The following VIPR2 variants were observed in gnomAD, a reference collection of about 807,000 sequenced individuals.
VIPR2 encodes vasoactive intestinal peptide receptor 2, also known as vasoactive intestinal polypeptide receptor 2.
VIPR2 carries 48 observed loss-of-function variants against 58.0 expected under a neutral mutation model. The observed-to-expected ratio is 0.83, with a 90% CI of 0.66 to 1.05. VIPR2 has a LOEUF of 1.05. Among genes scored for constraint, VIPR2 ranks in the 50% least tolerant of loss-of-function variants. The pLI, the probability that VIPR2 is intolerant of heterozygous loss-of-function variation, is 0.00. For missense variants in VIPR2, 534 were observed against 558.0 expected, an observed-to-expected ratio of 0.96 and a Z score of 0.43; for synonymous variants, 243 against 235.2, an observed-to-expected ratio of 1.03 and a Z score of -0.30.
chr7:159,131,786 C>T (rs567547690), intron 2 of VIPR2, among the ~76,000 whole-genome samples: 1 of 152,296 alleles, frequency 6.6e-6, no homozygotes, highest in African/African-American at 2.4e-5. Flanking sequence ...ATGGAGACAA[C>T]ACCTGAAAAA....
At chr7:159,137,214 A>G (rs1388738621) in intron 2 of VIPR2, among the ~76,000 whole-genome samples, 2 of 152,204 alleles carry the variant, frequency 1.3e-5, no homozygotes, top group Non-Finnish European at 2.9e-5. Context: ...CTTCCCAGAC[A>G]GGAGAAGCCA....
chr7:159,069,741 A>T (rs1856284579), intron 4 of VIPR2, among the ~76,000 whole-genome samples: 1 of 152,058 alleles, frequency 6.6e-6, no homozygotes, highest in African/African-American at 2.4e-5. Flanking sequence ...TTTCCCCCCA[A>T]ATAAGGGAAA....
chr7:159,030,579 G>C lies in VIPR2; in HGVS notation c.*37C>G. 6.7e-7 allele frequency: 1 copy of C among 1,497,948 alleles called. No homozygotes were observed. Among genetic ancestry groups the C allele is most frequent in the Non-Finnish European group, 8.9e-7 (1 of 1,120,278 alleles). 92.8% of individuals were successfully genotyped at this position (1,497,948 alleles called of 1,614,324 possible). ...CTCAGCCCCGCAGAAGCCCCGAACC[G>C]TGGGCCTCCCGCCGCGTCCGACAGG... is the stretch of plus-strand genomic sequence containing the variant. On this transcript the variant is annotated 3_prime_UTR_variant, in exon 13 of 13. Transcript: ENST00000262178.
At chr7:159,065,329 G>A (rs1019596420) in intron 4 of VIPR2, among the ~76,000 whole-genome samples, 8 of 152,092 alleles carry the variant, frequency 5.3e-5, no homozygotes, top group African/African-American at 1.9e-4. Flanking sequence ...CGCAGGAGAC[G>A]GGGGCAGGAG....
chr7:159,036,395 G>A (rs919770129), intron 7 of VIPR2, among the ~76,000 whole-genome samples: 1 of 152,102 alleles, frequency 6.6e-6, no homozygotes, highest in Non-Finnish European at 1.5e-5. Flanking sequence ...TTCCAACCCT[G>A]GGCAAGGCAA....
At chr7:159,101,695 C>T (rs58052705) in intron 4 of VIPR2, among the ~76,000 whole-genome samples, 14 of 148,364 alleles carry the variant, frequency 9.4e-5, no homozygotes, top group East Asian at 4.0e-4. Flanking sequence ...TCACGAGATC[C>T]GACGAGGCGG....
intron 2 of VIPR2, among the ~76,000 whole-genome samples, chr7:159,138,179 C>T (rs1797307884): frequency 6.6e-6 from 1 of 152,244 alleles, no homozygotes; most frequent in Non-Finnish European, 1.5e-5. Flanking sequence ...TGCAGCCACA[C>T]AGGGCCTTGG....
At chr7:159,133,771 A>C (rs1430228103) in intron 2 of VIPR2, among the ~76,000 whole-genome samples, 1 of 152,234 alleles carries the variant, frequency 6.6e-6, no homozygotes, top group Non-Finnish European at 1.5e-5. Context: ...AAAGAAAATT[A>C]GGTGCTTGTA....
At chr7:159,116,522 T>C (rs2129496655) in intron 2 of VIPR2, among the ~76,000 whole-genome samples, 1 of 152,288 alleles carries the variant, frequency 6.6e-6, no homozygotes, top group South Asian at 2.1e-4. Flanking sequence ...GACTTTTCAA[T>C]GTAGACTGGC....
intron 2 of VIPR2, among the ~76,000 whole-genome samples, chr7:159,115,164 C>T (rs1796190516): frequency 2.0e-5 from 3 of 152,252 alleles, no homozygotes; most frequent in Admixed American, 2.0e-4. Context: ...GAATGCTCCG[C>T]AGTGGAACTT....
chr7:159,060,258 C>T (rs532433990), intron 4 of VIPR2, among the ~76,000 whole-genome samples: 2 of 151,020 alleles, frequency 1.3e-5, no homozygotes, highest in South Asian at 2.1e-4. Flanking sequence ...CTCACCTCGC[C>T]TAACCATCAC....
chr7:159,124,557 T>A (rs6459927), intron 2 of VIPR2, among the ~76,000 whole-genome samples: 47,369 of 152,066 alleles, frequency 0.31, 7,909 homozygotes, highest in African/African-American at 0.45. Flanking sequence ...CCCGTAGTAT[T>A]GTTTCAGGTA....
At chr7:159,094,419 C>T (rs1857699351) in intron 4 of VIPR2, among the ~76,000 whole-genome samples, 1 of 152,212 alleles carries the variant, frequency 6.6e-6, no homozygotes, top group East Asian at 1.9e-4. Context: ...GCCCTTGGAG[C>T]CCCTGACCCG....
In VIPR2 at chr7:159,129,908, G is replaced by A. The variant is rs554974702; in HGVS notation, c.151+12538C>T. On this transcript the variant is annotated intron_variant, in intron 2 of 12. Coordinates refer to ENST00000262178, the MANE Select transcript of VIPR2 (RefSeq NM_003382.5). ...CAAACTGGCCTCTGGGGGGGACAGG[G>A]CTGGGGGGACAGGGCCAGGTGACCA... is the stretch of plus-strand genomic sequence containing the variant. Among the ~76,000 whole-genome samples, 123 of 81,510 alleles carry A rather than the reference G, an allele frequency of 1.5e-3. 12 individuals are homozygous for A. Among genetic ancestry groups the A allele is most frequent in the African/African-American group, 1.0e-2 (110 of 11,038 alleles). The allele number at this position is 81,510 out of a possible 152,430, so 53.5% of individuals were successfully genotyped here.
At chr7:159,079,491 A>G (rs1856800199) in intron 4 of VIPR2, among the ~76,000 whole-genome samples, 1 of 152,226 alleles carries the variant, frequency 6.6e-6, no homozygotes, top group Non-Finnish European at 1.5e-5. Context: ...GGAAATTTAT[A>G]GCACTAAATG....
chr7:159,032,498 T>A (rs1394352058), intron 10 of VIPR2, among the ~76,000 whole-genome samples: 1 of 152,158 alleles, frequency 6.6e-6, no homozygotes, highest in East Asian at 1.9e-4. Flanking sequence ...CCGATCCTGC[T>A]CCCGGACCTG....
chr7:159,108,444 G>C (rs543196079), intron 3 of VIPR2, among the ~76,000 whole-genome samples: 29 of 152,314 alleles, frequency 1.9e-4, no homozygotes, highest in African/African-American at 6.7e-4. Flanking sequence ...ATCTAGCTGC[G>C]ACTACTCAAG....
chr7:159,064,168 C>T (rs1027468328), intron 4 of VIPR2, among the ~76,000 whole-genome samples: 6 of 151,968 alleles, frequency 3.9e-5, no homozygotes, highest in Admixed American at 6.5e-5. Flanking sequence ...AGAAAGGAGG[C>T]GATGCGGCTG....
intron 9 of VIPR2, 62 bp from the exon 10 acceptor site, chr7:159,034,366 C>T (rs1414607586): frequency 1.9e-6 from 3 of 1,548,208 alleles, no homozygotes; most frequent in Non-Finnish European, 2.7e-6. Context: ...CCCTGAAGTC[C>T]ACCTGATTTC....
Sources: allele counts gnomAD v4.1 joint callset (sites outside exome capture counted in the v4.1 genomes callset), GRCh38; gene constraint gnomAD v4.1.1; transcripts MANE v1.5; gene names NCBI Gene and HGNC (gene_info 2026-07-23, HGNC 2026-07-21).